ZNF335: variants seen among roughly 807,000 people sequenced by gnomAD.
The protein encoded by ZNF335 is NRC-interacting factor 1.
Under a neutral mutation model 145.6 loss-of-function variants are expected in ZNF335, and 84 were observed. The observed-to-expected ratio is 0.58, with a 90% confidence interval of 0.48 to 0.69. ZNF335 has a LOEUF of 0.69. Ranked by LOEUF, ZNF335 falls within the 30% of genes least tolerant of loss-of-function variation. The pLI is 0.00. For missense variants in ZNF335, 1,865 were observed against 1,809.7 expected (o/e 1.03, Z -0.55); for synonymous variants, 761 against 717.0 (o/e 1.06, Z -0.98).
At position 45,968,367 on chromosome 20, in the gene ZNF335, G is replaced by A. The variant is rs769439974; in HGVS notation, c.443-5C>T. On this transcript the variant is annotated splice_polypyrimidine_tract_variant and splice_region_variant and intron_variant, in intron 3 of 27. Transcript: ENST00000322927. The stretch of plus-strand genomic sequence containing the variant: ...CACTGGTCACAGTGATGCAGTCTGG[G>A]CAGAGATGGGGAAGGGTCACACCTC... 4 of 1,608,674 alleles carry A rather than the reference G, an allele frequency of 2.5e-6. No individual in the cohort carries two copies. Among genetic ancestry groups the A allele is most frequent in the Admixed American group, 3.3e-5 (2 of 59,926 alleles).
rs769576956 is a variant in ZNF335 at position 45,953,916 on chromosome 20, T to C, written c.2475A>G (p.Ala825=). 1.8e-5 allele frequency: 29 copies of C among 1,608,722 alleles called. No homozygotes were observed. In the African/African-American group the frequency reaches 1.9e-4, roughly 10 times the overall value. ...GCTGCCCACCAGGGGATGCTAACCCTGCTTCCACATCTTCCGACTTCACCA... is the reference window on the plus strand; with the variant it reads ...GCTGCCCACCAGGGGATGCTAACCCCGCTTCCACATCTTCCGACTTCACCA... ...VAVVKSEDVE[A]GLASPGGQPS... The change falls in exon 18 of 28, where the codon GCA becomes GCG. Residue 825 remains alanine, a synonymous_variant. Transcript: ENST00000322927.
intron 14 of ZNF335, among the ~76,000 whole-genome samples, chr20:45,959,936 G>A (rs1404835719): frequency 6.6e-6 from 1 of 152,232 alleles, no homozygotes; most frequent in South Asian, 2.1e-4. Flanking sequence ...CATATGGCAG[G>A]CACTCTGATT....
chr20:45,952,697 T>C lies in ZNF335; in HGVS notation c.2715A>G (p.Ala905=). ...CAACCACAGCCTGGGCTGCCTCTCC[T>C]GCGGGCTCCTCGCTGTGGGCATGGA... The part of the protein sequence containing the change: ...APGTPYSEEP[A]GEAAQAVVVS... Residue 905 remains alanine (A), a synonymous_variant, in exon 19 of 28, where the codon GCA becomes GCG. Coordinates refer to ENST00000322927, the MANE Select transcript of ZNF335 (RefSeq NM_022095.4). 1 of 1,613,646 alleles carries C rather than the reference T, an allele frequency of 6.2e-7. No individual in the cohort carries two copies. The highest frequency in any genetic ancestry group is 8.5e-7 in the Non-Finnish European group (1 of 1,179,970).
At chr20:45,961,503 T>C (rs1056085842) in intron 10 of ZNF335, 2 of 152,030 alleles carry the variant, frequency 1.3e-5, no homozygotes, top group East Asian at 1.9e-4. Context: ...TTTTTTTTTT[T>C]TTCATTTAAA....
intron 1 of ZNF335, 130 bp downstream of exon 1, chr20:45,971,992 G>A: frequency 8.5e-7 from 1 of 1,175,104 alleles, no homozygotes; most frequent in Non-Finnish European, 1.1e-6. Context: ...AGCGACTAAA[G>A]GGCCTGGGAC....
At chr20:45,956,877 T>C (rs2083738234) in intron 17 of ZNF335, among the ~76,000 whole-genome samples, 1 of 152,172 alleles carries the variant, frequency 6.6e-6, no homozygotes. Context: ...CTAGGGATGA[T>C]ACCAAAGGGA....
At position 45,971,350 on chromosome 20, in the gene ZNF335, C is replaced by G; in HGVS notation, c.61G>C (p.Glu21Gln). 2 of 1,600,038 alleles carry G rather than the reference C, an allele frequency of 1.2e-6. No homozygotes were observed. Among genetic ancestry groups the G allele is most frequent in the Non-Finnish European group, 1.7e-6 (2 of 1,179,510 alleles). The change falls in exon 2 of 28, where the codon GAG becomes CAG. Residue 21 changes from glutamate to glutamine, a missense_variant. Coordinates refer to ENST00000322927, the MANE Select transcript of ZNF335 (RefSeq NM_022095.4). ...ACACCCAGGCCGCTCTCAGAGGGCT[C>G]CTCGGGCCGGCCAGGCCCAGGGGCC... is the stretch of plus-strand genomic sequence containing the variant. ...DAAPGPGRPE[E>Q]PSESGLGVGT... is the part of the protein sequence containing the mutation.
chr20:45,954,696 G>T (rs1261543661), intron 17 of ZNF335, among the ~76,000 whole-genome samples: 2 of 150,708 alleles, frequency 1.3e-5, no homozygotes, highest in African/African-American at 4.9e-5. Context: ...ACACAAACAG[G>T]TACTTTAGAA....
chr20:45,969,299 C>T (rs752298228), intron 3 of ZNF335, 152 bp downstream of exon 3: 15 of 1,046,062 alleles, frequency 1.4e-5, no homozygotes, highest in Non-Finnish European at 1.9e-5. Context: ...TCATTAAATC[C>T]TCATTTACCA....
chr20:45,970,755 G>A (rs926986086), intron 2 of ZNF335, among the ~76,000 whole-genome samples: 5 of 127,876 alleles, frequency 3.9e-5, no homozygotes, highest in Admixed American at 2.5e-4. Context: ...GGGCACTTGC[G>A]TTTTTTTTTT....
In ZNF335 at chr20:45,963,838, C is replaced by T. The variant is rs1171709664; in HGVS notation, c.1255G>A (p.Asp419Asn). Residue 419 changes from aspartate (D) to asparagine (N), a missense_variant, in exon 8 of 28, where the codon GAT (aspartate) becomes AAT (asparagine). Coordinates refer to ENST00000322927, the MANE Select transcript of ZNF335 (RefSeq NM_022095.4). ...TPVEAGVSQS[D>N]AENAAPSCPD... ...CAGGAGGGGGCTGCGTTCTCTGCAT[C>T]TGACTGGCTCACACCAGCTTCCACA... 1.2e-6 allele frequency: 2 copies of T among 1,613,464 alleles called. No individual in the cohort carries two copies. Among genetic ancestry groups the T allele is most frequent in the Non-Finnish European group, 1.7e-6 (2 of 1,179,724 alleles).
In ZNF335 at chr20:45,950,052, G is replaced by T; in HGVS notation, c.3505C>A (p.His1169Asn). 3 of 1,613,820 alleles carry T rather than the reference G, an allele frequency of 1.9e-6. No individual in the cohort carries two copies. The South Asian group carries it at 3.3e-5, about 18-fold the overall frequency. Residue 1169 changes from histidine (H) to asparagine (N), a missense_variant, in exon 23 of 28, where the codon CAC (histidine) becomes AAC (asparagine). Physicochemically the swap from His to Asn is moderately conservative, Grantham distance 68. Transcript: ENST00000322927. ...AGCCGCTCTGGGCCCAGGACCCCGTGACTGGACTGGAGTGCAGCTGGGCAG... is the reference window on the plus strand; with the variant it reads ...AGCCGCTCTGGGCCCAGGACCCCGTTACTGGACTGGAGTGCAGCTGGGCAG... ...ATLHTALQSS[H>N]GVLGPERLQQ...
At position 45,953,845 on chromosome 20, in the gene ZNF335, G is replaced by A. The variant is rs1323951843; in HGVS notation, c.2546C>T (p.Ala849Val). The change falls in exon 18 of 28, where the codon GCA becomes GTA. Residue 849 changes from alanine (A) to valine (V), a missense_variant. By Grantham distance (64) the Ala-to-Val change is moderately conservative (BLOSUM62 0). Transcript: ENST00000322927. ...GGCTGCTGCACCGCCCCCTGGCTCT[G>A]CCACGTGGAGGGTGACCACCTGTGG... ...ATPQVVTLHV[A>V]EPGGGAAAES... The A allele has an allele frequency of 6.2e-7, 1 of 1,614,028 alleles. No individual in the cohort carries two copies.
At chr20:45,964,384 A>C in intron 7 of ZNF335, 1 of 175,272 alleles carries the variant, frequency 5.7e-6, no homozygotes, top group Non-Finnish European at 1.2e-5. Context: ...TCACAGAACA[A>C]TCTAAGGCTC....
At position 45,971,475 on chromosome 20, in the gene ZNF335, G is replaced by T. The variant is rs781420794; in HGVS notation, c.-50-15C>A. 3 of 1,573,162 alleles carry T rather than the reference G, an allele frequency of 1.9e-6. No individual in the cohort carries two copies. The highest frequency in any genetic ancestry group is 1.1e-5 in the South Asian group (1 of 88,172). ...GGAACTTCACTCTGAGAAGAGAGGT[G>T]ACCGTGGCTGGAACAAGTGGGCCAT... On this transcript the variant is annotated splice_polypyrimidine_tract_variant and intron_variant, in intron 1 of 27. Transcript: ENST00000322927.
chr20:45,958,619 T>C (rs1250120689), intron 15 of ZNF335, among the ~76,000 whole-genome samples: 2 of 152,230 alleles, frequency 1.3e-5, no homozygotes, highest in Non-Finnish European at 2.9e-5. Context: ...ACTCTGATTT[T>C]CACCAGGGTG....
chr20:45,969,470 G>A lies in ZNF335; in HGVS notation c.423C>T (p.Ile141=), dbSNP rs374292584. The part of the protein sequence containing the change: ...SAIDKIIEST[I]GPDLIQNCIT... ...ACTCACTCTGGATGAGGTCGGGCCCGATGGTGGACTCGATGATCTTGTCGA... is the reference window on the plus strand; with the variant it reads ...ACTCACTCTGGATGAGGTCGGGCCCAATGGTGGACTCGATGATCTTGTCGA... The change falls in exon 3 of 28, where the codon ATC becomes ATT. Residue 141 remains isoleucine (I), a synonymous_variant. Transcript: ENST00000322927. The A allele has an allele frequency of 7.1e-6, 11 of 1,551,856 alleles. No individual in the cohort carries two copies. The highest frequency in any genetic ancestry group is 1.7e-4 in the Middle Eastern group (1 of 5,800).
chr20:45,961,517 A>C (rs1394349671), intron 10 of ZNF335: 1 of 151,936 alleles, frequency 6.6e-6, no homozygotes, highest in East Asian at 1.9e-4. Flanking sequence ...ATTTAAAAAA[A>C]AGAAACCTTA....
chr20:45,965,819 G>A, intron 6 of ZNF335, 45 bp from the exon 7 acceptor site: 3 of 1,564,380 alleles, frequency 1.9e-6, no homozygotes, highest in Non-Finnish European at 1.7e-6. Context: ...GGCGGGACCT[G>A]CCCTTTCAGC....
Sources: gnomAD v4.1 joint callset for allele counts (sites outside exome capture counted in the v4.1 genomes callset) on GRCh38, gnomAD v4.1.1 for gene constraint, MANE v1.5 for transcripts, NCBI Gene and HGNC (gene_info 2026-07-23, HGNC 2026-07-21) for gene names.